PLCB1: variants seen among roughly 807,000 people sequenced by gnomAD.
PLCB1 encodes phospholipase C beta 1.
Under a neutral mutation model 161.8 loss-of-function variants are expected in PLCB1, and 46 were observed. The ratio of observed to expected loss-of-function variants is 0.28; its 90% CI spans 0.22 to 0.36. The LOEUF (loss-of-function observed/expected upper bound fraction) is 0.36, where lower values mean the gene tolerates loss of function less well. Ranked by LOEUF, PLCB1 falls within the 10% of genes least tolerant of loss-of-function variation. The pLI, the probability that PLCB1 is intolerant of heterozygous loss-of-function variation, is 1.00. For missense variants in PLCB1, 1,016 were observed against 1,472.5 expected (o/e 0.69, Z 5.07); for synonymous variants, 517 against 503.7 (o/e 1.03, Z -0.35).
At chr20:8,428,695 G>A (rs1353137009) in intron 3 of PLCB1, among the ~76,000 whole-genome samples, 2 of 152,162 alleles carry the variant, frequency 1.3e-5, no homozygotes, top group African/African-American at 2.4e-5. Flanking sequence ...AATTGTGGCC[G>A]ATTGAATAGG....
intron 23 of PLCB1, among the ~76,000 whole-genome samples, chr20:8,742,440 G>A (rs1478721332): frequency 2.0e-5 from 3 of 152,130 alleles, no homozygotes; most frequent in Non-Finnish European, 4.4e-5. Context: ...ACATTGTTAA[G>A]TAATGTTTTT....
rs751972375 is a variant in PLCB1, at chr20:8,722,453, A to G, written c.1581+32A>G. On this transcript the variant is annotated intron_variant, in intron 15 of 31. Transcript: ENST00000338037. Reference sequence around the variant, plus strand: ...ACTTAGGGCTTCTGGTCCCTAAGGCATTCCACCACCCTGTACTCTCCTGGG... The same window carrying G: ...ACTTAGGGCTTCTGGTCCCTAAGGCGTTCCACCACCCTGTACTCTCCTGGG... 4.6e-6 allele frequency: 7 copies of G among 1,519,752 alleles called. No individual in the cohort carries two copies. In the Admixed American group the frequency reaches 1.1e-4, roughly 23 times the overall value. 94.1% of individuals were successfully genotyped at this position (1,519,752 alleles called of 1,614,324 possible). A position where few individuals can be genotyped will look rare whatever the true frequency, so the allele number is the denominator to read the frequency against.
intron 3 of PLCB1, among the ~76,000 whole-genome samples, chr20:8,545,229 G>A (rs1390062735): frequency 6.6e-6 from 1 of 152,202 alleles, no homozygotes; most frequent in Non-Finnish European, 1.5e-5. Context: ...ATAGAATCAG[G>A]AAAATACAAG....
chr20:8,827,495 G>A (rs879939527), intron 31 of PLCB1, among the ~76,000 whole-genome samples: 1 of 152,048 alleles, frequency 6.6e-6, no homozygotes, highest in Non-Finnish European at 1.5e-5. Flanking sequence ...TGTCCAAGGT[G>A]GTAAACACTA....
At chr20:8,638,363 G>A (rs1988833528) in intron 4 of PLCB1, among the ~76,000 whole-genome samples, 1 of 151,964 alleles carries the variant, frequency 6.6e-6, no homozygotes, top group Non-Finnish European at 1.5e-5. Context: ...GGGAGGAAAG[G>A]GCACAAGTGA....
At chr20:8,560,812 A>G (rs1049272904) in intron 3 of PLCB1, among the ~76,000 whole-genome samples, 2 of 151,980 alleles carry the variant, frequency 1.3e-5, no homozygotes, top group Non-Finnish European at 2.9e-5. Context: ...TATGGATCAT[A>G]TATGTGTAAT....
intron 27 of PLCB1, among the ~76,000 whole-genome samples, chr20:8,776,562 A>G (rs1169744653): frequency 6.6e-6 from 1 of 152,214 alleles, no homozygotes; most frequent in African/African-American, 2.4e-5. Context: ...TAAAGTGTGC[A>G]GTTCAATGGT....
At chr20:8,337,510 G>A (rs1362061157) in intron 2 of PLCB1, among the ~76,000 whole-genome samples, 1 of 152,200 alleles carries the variant, frequency 6.6e-6, no homozygotes, top group Non-Finnish European at 1.5e-5. Flanking sequence ...CATCCATGCT[G>A]CATTTTGTAA....
At chr20:8,689,003 T>C (rs971269400) in intron 10 of PLCB1, among the ~76,000 whole-genome samples, 6 of 152,200 alleles carry the variant, frequency 3.9e-5, no homozygotes, top group Admixed American at 3.9e-4. Context: ...CATTTGTTTG[T>C]CATCTATGAT....
At chr20:8,616,395 C>G (rs1041628937) in intron 3 of PLCB1, among the ~76,000 whole-genome samples, 1 of 152,184 alleles carries the variant, frequency 6.6e-6, no homozygotes, top group African/African-American at 2.4e-5. Flanking sequence ...TCATCTAAGA[C>G]TCTTCTCCAT....
At chr20:8,812,054 AT>A (rs146620674) in intron 31 of PLCB1, among the ~76,000 whole-genome samples, 4 of 151,368 alleles carry the variant, frequency 2.6e-5, no homozygotes, top group East Asian at 1.9e-4. Context: ...AGAGGAAGGT[AT>A]TTTTTTTTCA....
At chr20:8,320,020 G>T (rs1207997589) in intron 2 of PLCB1, among the ~76,000 whole-genome samples, 1 of 151,976 alleles carries the variant, frequency 6.6e-6, no homozygotes, top group South Asian at 2.1e-4. Context: ...TTTAAAAAAA[G>T]AAAGAAAGTG....
At chr20:8,606,666 A>G (rs532396028) in intron 3 of PLCB1, among the ~76,000 whole-genome samples, 5 of 152,312 alleles carry the variant, frequency 3.3e-5, no homozygotes, top group South Asian at 2.1e-4. Flanking sequence ...GCTTACATCA[A>G]TTCTGTCAGG....
At chr20:8,838,750 T>C (rs2146287289) in intron 31 of PLCB1, among the ~76,000 whole-genome samples, 1 of 18,100 alleles carries the variant, frequency 5.5e-5, no homozygotes, top group Admixed American at 1.0e-3. Context: ...CCATTCAACT[T>C]ACTTGACGTG....
chr20:8,532,530 G>A (rs1332018764), intron 3 of PLCB1, among the ~76,000 whole-genome samples: 5 of 152,146 alleles, frequency 3.3e-5, no homozygotes, highest in Non-Finnish European at 5.9e-5. Context: ...TTTCATTAAG[G>A]ACATTTCCAG....
chr20:8,820,627 G>A (rs776029241), intron 31 of PLCB1, among the ~76,000 whole-genome samples: 2 of 152,060 alleles, frequency 1.3e-5, no homozygotes, highest in African/African-American at 2.4e-5. Context: ...TCCTCATCAA[G>A]GTAGAAACTC....
intron 11 of PLCB1, among the ~76,000 whole-genome samples, chr20:8,707,428 A>G (rs935209681): frequency 6.6e-6 from 1 of 152,200 alleles, no homozygotes. Context: ...CAACCTCACT[A>G]CTACTGAAAG....
At chr20:8,720,270 C>T (rs537927716) in intron 14 of PLCB1, among the ~76,000 whole-genome samples, 179 of 152,214 alleles carry the variant, frequency 1.2e-3, no homozygotes, top group South Asian at 5.8e-3. Context: ...ACACAAATGA[C>T]GATTTTTACA....
chr20:8,585,584 C>G (rs1320621089), intron 3 of PLCB1, among the ~76,000 whole-genome samples: 1 of 152,190 alleles, frequency 6.6e-6, no homozygotes, highest in Non-Finnish European at 1.5e-5. Flanking sequence ...GTTATTAACT[C>G]TTTTTAGAAT....
Sources: allele counts gnomAD v4.1 joint callset (sites outside exome capture counted in the v4.1 genomes callset), GRCh38; gene constraint gnomAD v4.1.1; transcripts MANE v1.5; gene names NCBI Gene and HGNC (gene_info 2026-07-23, HGNC 2026-07-21).